The following TRIT1 variants were observed in gnomAD, a reference collection of about 807,000 sequenced individuals.
TRIT1 encodes tRNA dimethylallyltransferase.
In TRIT1, 43 loss-of-function variants were observed where a neutral mutation model predicts 51.2. That is an observed-to-expected ratio of 0.84 (90% CI 0.66 to 1.08). The LOEUF (loss-of-function observed/expected upper bound fraction) is 1.08. TRIT1 is among the 50% of genes least tolerant of loss of function. TRIT1 has a pLI of 0.00. For synonymous variants in TRIT1, 184 were observed against 203.9 expected, an observed-to-expected ratio of 0.90 and a Z score of 0.83; for missense variants, 528 against 578.4, an observed-to-expected ratio of 0.91 and a Z score of 0.89.
chr1:39,866,537 G>A (rs556812241), intron 1 of TRIT1, among the ~76,000 whole-genome samples: 1 of 152,262 alleles, frequency 6.6e-6, no homozygotes, highest in South Asian at 2.1e-4. Flanking sequence ...TTAATTAAAA[G>A]AAAACTTTTT....
At chr1:39,871,404 A>C (rs1643879986) in intron 1 of TRIT1, among the ~76,000 whole-genome samples, 1 of 152,206 alleles carries the variant, frequency 6.6e-6, no homozygotes, top group Non-Finnish European at 1.5e-5. Flanking sequence ...CAACGTGGTG[A>C]AACCGTCTCT....
chr1:39,874,744 C>T (rs1222756172), intron 1 of TRIT1, among the ~76,000 whole-genome samples: 2 of 151,850 alleles, frequency 1.3e-5, no homozygotes, highest in Admixed American at 1.3e-4. Flanking sequence ...CGGCTCACTG[C>T]AACCTCCGCC....
chr1:39,878,967 G>C (rs1644155432), intron 1 of TRIT1, among the ~76,000 whole-genome samples: 1 of 152,092 alleles, frequency 6.6e-6, no homozygotes, highest in Non-Finnish European at 1.5e-5. Context: ...AGGATAACTG[G>C]CATACAAGTT....
chr1:39,847,414 G>T, intron 7 of TRIT1, 117 bp from the exon 8 acceptor site: 1 of 1,430,372 alleles, frequency 7.0e-7, no homozygotes, highest in Non-Finnish European at 9.8e-7. Flanking sequence ...GTCAGACTTG[G>T]TGGACAAAAA....
chr1:39,877,882 G>A (rs981423053), intron 1 of TRIT1, among the ~76,000 whole-genome samples: 1 of 152,178 alleles, frequency 6.6e-6, no homozygotes, highest in Non-Finnish European at 1.5e-5. Context: ...AACAGGGATT[G>A]TATTACCTGT....
At chr1:39,881,047 G>A (rs562572334) in intron 1 of TRIT1, among the ~76,000 whole-genome samples, 7 of 151,538 alleles carry the variant, frequency 4.6e-5, no homozygotes, top group East Asian at 1.9e-4. Flanking sequence ...GCGAAACTCC[G>A]TCTCTACTAA....
chr1:39,841,345 T>C lies in TRIT1; in HGVS notation c.*399A>G, dbSNP rs1641885539. On this transcript the variant is annotated 3_prime_UTR_variant, in exon 11 of 11. Coordinates refer to ENST00000316891, the MANE Select transcript of TRIT1 (RefSeq NM_017646.6). ...TACTTCAGTCATCTACAAAAGCATC[T>C]GGAAATTAGATAATTTTAGCCAGAG... The C allele has an allele frequency of 1.3e-5, 2 of 154,916 alleles. No individual in the cohort carries two copies. The highest frequency in any genetic ancestry group is 4.1e-4 in the South Asian group (2 of 4,862). The allele number at this position is 154,916 out of a possible 1,614,324, so 9.6% of individuals were successfully genotyped here.
In TRIT1 at chr1:39,850,237, T is replaced by G; in HGVS notation, c.585A>C (p.Thr195=). The change falls in exon 5 of 11, where the codon ACA becomes ACC. Residue 195 remains threonine, a synonymous_variant. Coordinates refer to ENST00000316891, the MANE Select transcript of TRIT1 (RefSeq NM_017646.6). Reference sequence around the variant, plus strand: ...GGAGAAATTCACTATGAGAGATTCCTGTTTCTTCAAAAACTTGCAAGCTCC... The same window carrying G: ...GGAGAAATTCACTATGAGAGATTCCGGTTTCTTCAAAAACTTGCAAGCTCC... ...VARSLQVFEE[T]GISHSEFLHR... The G allele has an allele frequency of 6.2e-7, 1 of 1,614,212 alleles. No homozygotes were observed. The highest frequency in any genetic ancestry group is 1.3e-5 in the African/African-American group (1 of 75,060).
intron 2 of TRIT1, 47 bp downstream of exon 2, chr1:39,857,230 G>A (rs2124621922): frequency 6.4e-7 from 1 of 1,553,938 alleles, no homozygotes. Flanking sequence ...TCTTGGCTTG[G>A]GCTGCTTTCA....
In TRIT1 at chr1:39,840,851, T is replaced by G. The variant is rs1641845015; in HGVS notation, c.*893A>C. On this transcript the variant is annotated 3_prime_UTR_variant, in exon 11 of 11. Coordinates refer to ENST00000316891, the MANE Select transcript of TRIT1 (RefSeq NM_017646.6). ...CCAGAAAGAGGGCTTCAATTGGAAG[T>G]AATAGATCTCCAATAAAAGACCCTC... Among the ~76,000 whole-genome samples, 1 of 152,174 alleles carries G rather than the reference T, an allele frequency of 6.6e-6. No homozygotes were observed. The highest frequency in any genetic ancestry group is 2.4e-5 in the African/African-American group (1 of 41,428).
At chr1:39,882,622 C>T (rs1644299323) in intron 1 of TRIT1, among the ~76,000 whole-genome samples, 1 of 152,244 alleles carries the variant, frequency 6.6e-6, no homozygotes, top group South Asian at 2.1e-4. Flanking sequence ...AAAACCTCTA[C>T]TTAAAAAAGC....
chr1:39,850,461 G>A (rs1333321737), intron 4 of TRIT1, among the ~76,000 whole-genome samples, 200 bp from the exon 5 acceptor site: 1 of 152,230 alleles, frequency 6.6e-6, no homozygotes, highest in East Asian at 1.9e-4. Context: ...AGGAGTTCAA[G>A]ACCAACCTAA....
intron 5 of TRIT1, among the ~76,000 whole-genome samples, chr1:39,849,679 T>A (rs2124595944): frequency 6.6e-6 from 1 of 152,262 alleles, no homozygotes; most frequent in East Asian, 1.9e-4. Flanking sequence ...GAATGTTTGC[T>A]GGATGAATAA....
At chr1:39,848,159 T>A in intron 5 of TRIT1, 62 bp from the exon 6 acceptor site, 1 of 1,238,530 alleles carries the variant, frequency 8.1e-7, no homozygotes, top group Admixed American at 1.7e-5. Context: ...TATACTTACA[T>A]GACGAGTGAA....
At chr1:39,877,031 A>C (rs1455504059) in intron 1 of TRIT1, among the ~76,000 whole-genome samples, 2 of 150,534 alleles carry the variant, frequency 1.3e-5, no homozygotes, top group East Asian at 1.9e-4. Context: ...AAAAAAAAAA[A>C]AAAAAAAAAA....
chr1:39,844,442 G>C (rs1260262390), intron 9 of TRIT1, 89 bp downstream of exon 9: 2 of 1,075,850 alleles, frequency 1.9e-6, no homozygotes, highest in African/African-American at 1.6e-5. Flanking sequence ...GGAAAAGAAG[G>C]CCTGGTTCTT....
chr1:39,874,345 A>AGAACCAAAAATGT (rs1643975725), intron 1 of TRIT1, among the ~76,000 whole-genome samples: 1 of 152,192 alleles, frequency 6.6e-6, no homozygotes, highest in African/African-American at 2.4e-5. Context: ...CCCAGTTATT[A>AGAACCAAAAATGT]GAACCAAAAA....
chr1:39,869,787 G>A lies in TRIT1; in HGVS notation c.175-12370C>T, dbSNP rs545759066. ...CATCTGGGAGGTGAGGAGCGTCTCT[G>A]CCCGGCCGCCCCGTCTGAGAAGTGA... On this transcript the variant is annotated intron_variant, in intron 1 of 10. Transcript: ENST00000316891. Among the ~76,000 whole-genome samples the A allele has an allele frequency of 3.5e-3, 528 of 151,004 alleles. 1 individual carries two copies. Among genetic ancestry groups the A allele is most frequent in the African/African-American group, 0.012 (477 of 40,920 alleles).
At chr1:39,846,069 T>C (rs562873353) in intron 8 of TRIT1, among the ~76,000 whole-genome samples, 1 of 152,366 alleles carries the variant, frequency 6.6e-6, no homozygotes, top group South Asian at 2.1e-4. Flanking sequence ...TAGAAATTTG[T>C]AATACAGCAC....
Sources: allele counts gnomAD v4.1 joint callset (sites outside exome capture counted in the v4.1 genomes callset), GRCh38; gene constraint gnomAD v4.1.1; transcripts MANE v1.5; gene names NCBI Gene and HGNC (gene_info 2026-07-23, HGNC 2026-07-21).